CREBRF: variants seen among roughly 807,000 people sequenced by gnomAD.
CREBRF encodes CREB3 regulatory factor.
CREBRF carries 5 observed loss-of-function variants against 66.1 expected under a neutral mutation model. The observed-to-expected ratio is 0.08, with a 90% CI of 0.04 to 0.16. The LOEUF (loss-of-function observed/expected upper bound fraction) is 0.16, where lower values mean the gene tolerates loss of function less well. Among genes scored for constraint, CREBRF ranks in the 10% least tolerant of loss-of-function variants. CREBRF has a pLI of 1.00. For synonymous variants in CREBRF, 229 were observed against 264.4 expected (o/e 0.87, Z 1.30); for missense variants, 531 against 744.9 (o/e 0.71, Z 3.34).
chr5:173,104,654 T>A (rs1249662520), intron 4 of CREBRF, among the ~76,000 whole-genome samples: 12 of 151,952 alleles, frequency 7.9e-5, no homozygotes, highest in Non-Finnish European at 1.8e-4. Context: ...CATTCCAGCC[T>A]GGGTGACAGA....
At chr5:173,065,438 C>G (rs1364002905) in intron 1 of CREBRF, among the ~76,000 whole-genome samples, 3 of 152,156 alleles carry the variant, frequency 2.0e-5, no homozygotes, top group Non-Finnish European at 4.4e-5. Flanking sequence ...GGTCTCCAGT[C>G]TCTTTTCCCT....
intron 8 of CREBRF, among the ~76,000 whole-genome samples, chr5:173,128,912 C>T (rs927004024): frequency 6.6e-6 from 1 of 151,256 alleles, no homozygotes; most frequent in African/African-American, 2.4e-5. Context: ...GCCGGAGTAG[C>T]TGGGACTACA....
intron 2 of CREBRF, among the ~76,000 whole-genome samples, chr5:173,081,951 T>G (rs1398059153): frequency 6.7e-6 from 1 of 149,990 alleles, no homozygotes; most frequent in Non-Finnish European, 1.5e-5. Context: ...CCAACCTCTG[T>G]GACAGATGGA....
chr5:173,076,998 C>T (rs1757785055), intron 1 of CREBRF, among the ~76,000 whole-genome samples: 1 of 150,972 alleles, frequency 6.6e-6, no homozygotes, highest in African/African-American at 2.4e-5. Flanking sequence ...GGCTACAGTG[C>T]AGTGGCACAA....
intron 7 of CREBRF, among the ~76,000 whole-genome samples, chr5:173,112,694 T>C (rs1002793823): frequency 8.5e-5 from 13 of 152,226 alleles, no homozygotes; most frequent in Non-Finnish European, 1.9e-4. Context: ...AAATTAAGAA[T>C]AGGCAGCAAA....
intron 1 of CREBRF, chr5:173,060,486 C>T (rs1469226055): frequency 2.0e-5 from 3 of 152,068 alleles, no homozygotes; most frequent in Non-Finnish European, 4.4e-5. Context: ...CCGCATTGGC[C>T]TCCCAAAGAG....
intron 1 of CREBRF, among the ~76,000 whole-genome samples, chr5:173,068,701 G>A (rs2113674101): frequency 6.6e-6 from 1 of 152,258 alleles, no homozygotes; most frequent in South Asian, 2.1e-4. Flanking sequence ...AGGGTGTTAA[G>A]TGTCGTGTGT....
At chr5:173,102,872 C>T (rs538329415) in intron 4 of CREBRF, among the ~76,000 whole-genome samples, 317 of 152,220 alleles carry the variant, frequency 2.1e-3, no homozygotes, top group Middle Eastern at 6.8e-3. Context: ...TCCATGGGAA[C>T]CATTTTGGAG....
intron 4 of CREBRF, among the ~76,000 whole-genome samples, chr5:173,100,328 C>A (rs947072482): frequency 6.6e-6 from 1 of 151,384 alleles, no homozygotes; most frequent in Non-Finnish European, 1.5e-5. Context: ...TTTATACTAG[C>A]ATTAAAAGTG....
chr5:173,112,699 A>G (rs1198445816), intron 7 of CREBRF, among the ~76,000 whole-genome samples: 2 of 152,266 alleles, frequency 1.3e-5, no homozygotes, highest in Non-Finnish European at 1.5e-5. Flanking sequence ...AAGAATAGGC[A>G]GCAAAAACAA....
chr5:173,061,140 G>A (rs1757259176), intron 1 of CREBRF, among the ~76,000 whole-genome samples: 1 of 152,082 alleles, frequency 6.6e-6, no homozygotes, highest in Admixed American at 6.5e-5. Context: ...GCCAAGTTTT[G>A]TATTTTTAGT....
At chr5:173,116,502 C>A (rs761287327) in intron 7 of CREBRF, among the ~76,000 whole-genome samples, 1 of 152,294 alleles carries the variant, frequency 6.6e-6, no homozygotes, top group East Asian at 1.9e-4. Flanking sequence ...TTTTGCCTGG[C>A]TACTTTCACT....
chr5:173,096,488 A>G lies in CREBRF; in HGVS notation c.1222+5087A>G, dbSNP rs532985162. ...TCCCTCCCCTCCCCTTTCTGTGTCC[A>G]GTCCCTCCCCTGCCCTCCTCTCCCC... On this transcript the variant is annotated intron_variant, in intron 4 of 8. Coordinates refer to ENST00000296953, the MANE Select transcript of CREBRF (RefSeq NM_153607.3). 1.1e-3 allele frequency among the ~76,000 whole-genome samples: 95 copies of G among 85,866 alleles called. 1 individual carries two copies. The highest frequency in any genetic ancestry group is 1.8e-3 in the Admixed American group (10 of 5,452). 56.3% of individuals were successfully genotyped at this position (85,866 alleles called of 152,430 possible).
intron 4 of CREBRF, 75 bp downstream of exon 4, chr5:173,091,476 T>G: frequency 6.5e-7 from 1 of 1,534,800 alleles, no homozygotes; most frequent in Non-Finnish European, 8.7e-7. Flanking sequence ...TTTGTTTCTG[T>G]TTTGTTTGGA....
chr5:173,119,127 T>C (rs1033753364), intron 7 of CREBRF, among the ~76,000 whole-genome samples: 1 of 152,210 alleles, frequency 6.6e-6, no homozygotes, highest in South Asian at 2.1e-4. Flanking sequence ...CCAATTTTGC[T>C]CTTTTTGTTT....
intron 4 of CREBRF, among the ~76,000 whole-genome samples, chr5:173,102,460 G>C (rs1411537821): frequency 6.6e-6 from 1 of 152,126 alleles, no homozygotes; most frequent in Non-Finnish European, 1.5e-5. Flanking sequence ...TCCTTGGGTA[G>C]GCTGGCCTAT....
At chr5:173,086,953 T>G (rs1332782066) in intron 3 of CREBRF, among the ~76,000 whole-genome samples, 1 of 150,536 alleles carries the variant, frequency 6.6e-6, no homozygotes, top group African/African-American at 2.4e-5. Context: ...ATTTTGTTTT[T>G]TTTTTTTTTT....
rs548065997 is a variant in CREBRF, at chr5:173,111,231, T to A, written c.1607+520T>A. On this transcript the variant is annotated intron_variant, in intron 6 of 8. Coordinates refer to ENST00000296953, the MANE Select transcript of CREBRF (RefSeq NM_153607.3). Reference sequence around the variant, plus strand: ...TAGTTTTGCCTTTTCCAGAATGTCATGTACATGGAATATACTGTATGTATG... The same window carrying A: ...TAGTTTTGCCTTTTCCAGAATGTCAAGTACATGGAATATACTGTATGTATG... Among the ~76,000 whole-genome samples the A allele has an allele frequency of 5.3e-5, 8 of 152,308 alleles. No homozygotes were observed. In the East Asian group the frequency reaches 1.5e-3, roughly 29 times the overall value.
chr5:173,115,969 C>T lies in CREBRF; in HGVS notation c.1681+3590C>T, dbSNP rs189415481. Among the ~76,000 whole-genome samples, 402 of 152,300 alleles carry T rather than the reference C, an allele frequency of 2.6e-3. 2 individuals carry two copies. Among genetic ancestry groups the T allele is most frequent in the African/African-American group, 9.0e-3 (376 of 41,570 alleles). On this transcript the variant is annotated intron_variant, in intron 7 of 8. Transcript: ENST00000296953. Reference sequence around the variant, plus strand: ...CCTCTTCAACTGCAGTTTAGATTGGCCCCTTCTCAGTATTGCTAGATGAAG... The same window carrying T: ...CCTCTTCAACTGCAGTTTAGATTGGTCCCTTCTCAGTATTGCTAGATGAAG...
Sources: gnomAD v4.1 joint callset for allele counts (sites outside exome capture counted in the v4.1 genomes callset) on GRCh38, gnomAD v4.1.1 for gene constraint, MANE v1.5 for transcripts, NCBI Gene and HGNC (gene_info 2026-07-23, HGNC 2026-07-21) for gene names.